The following CHST3 variants were observed in gnomAD, a reference collection of about 807,000 sequenced individuals.
CHST3 encodes carbohydrate sulfotransferase 3, also known as C6ST-1.
CHST3 carries 20 observed loss-of-function variants against 35.4 expected under a neutral mutation model. The observed-to-expected ratio is 0.57, with a 90% CI of 0.40 to 0.82. The LOEUF (loss-of-function observed/expected upper bound fraction) is 0.82. CHST3 is among the 40% of genes least tolerant of loss of function. CHST3 has a pLI of 0.00. For missense variants in CHST3, 693 were observed against 670.1 expected (o/e 1.03, Z -0.38); for synonymous variants, 334 against 295.9 (o/e 1.13, Z -1.32).
At chr10:71,979,322 GA>G (rs1456832254) in intron 1 of CHST3, among the ~76,000 whole-genome samples, 2 of 152,186 alleles carry the variant, frequency 1.3e-5, no homozygotes, top group Non-Finnish European at 2.9e-5. Context: ...AGGCTCTTGT[GA>G]GAATTGGAGG....
intron 1 of CHST3, among the ~76,000 whole-genome samples, chr10:71,994,257 A>T (rs1475349278): frequency 6.6e-6 from 1 of 150,984 alleles, no homozygotes; most frequent in South Asian, 2.1e-4. Context: ...AGAGTAAGAA[A>T]ACCCTGTCTC....
chr10:72,012,192 C>G lies in CHST3; in HGVS notation c.*3721C>G, dbSNP rs1020016495. The G allele has an allele frequency of 6.6e-6, 1 of 152,216 alleles. No individual in the cohort carries two copies. Among genetic ancestry groups the G allele is most frequent in the Admixed American group, 6.5e-5 (1 of 15,282 alleles). 9.4% of individuals were successfully genotyped at this position (152,216 alleles called of 1,614,324 possible). A position where few individuals can be genotyped will look rare whatever the true frequency, so the allele number is the denominator to read the frequency against. Reference sequence around the variant, plus strand: ...AGAACAGAGGGCACCAGGCATCACACGACATCTTTCCCTCCCATCTCTGCC... The same window carrying G: ...AGAACAGAGGGCACCAGGCATCACAGGACATCTTTCCCTCCCATCTCTGCC... On this transcript the variant is annotated 3_prime_UTR_variant, in exon 3 of 3. Transcript: ENST00000373115.
rs551938743 is a variant in CHST3, at chr10:72,007,407, C to G, written c.376C>G (p.Pro126Ala). 5.2e-5 allele frequency: 84 copies of G among 1,605,798 alleles called. No homozygotes were observed. The South Asian group carries it at 9.2e-4, about 18-fold the overall frequency. ...GAGAAAGGAGGAGGAGCCGCCCAGACCGGCCGTGGCGGGGCCCCGGCGCCA... is the reference window on the plus strand; with the variant it reads ...GAGAAAGGAGGAGGAGCCGCCCAGAGCGGCCGTGGCGGGGCCCCGGCGCCA... ...EQRKEEEPPR[P>A]AVAGPRRHVL... The change falls in exon 3 of 3, where the codon CCG becomes GCG. Residue 126 changes from proline to alanine, a missense_variant. Physicochemically the swap from Pro to Ala is conservative, Grantham distance 27. Transcript: ENST00000373115.
intron 1 of CHST3, among the ~76,000 whole-genome samples, chr10:72,005,301 C>CTGTG (rs71018245): frequency 7.1e-5 from 10 of 140,108 alleles, no homozygotes; most frequent in South Asian, 2.1e-4. Flanking sequence ...GTGTGTGTGT[C>CTGTG]TGTGTGTGTG....
chr10:72,008,089 A>C lies in CHST3; in HGVS notation c.1058A>C (p.Glu353Ala), dbSNP rs2131776149. The change falls in exon 3 of 3, where the codon GAG becomes GCG. Residue 353 changes from glutamate (E) to alanine (A), a missense_variant. Coordinates refer to ENST00000373115, the MANE Select transcript of CHST3 (RefSeq NM_004273.5). ...GNCESIRLSA[E>A]LGLRQPAWLR... Reference sequence around the variant, plus strand: ...TGCGAGAGCATCCGCCTGTCCGCGGAGCTGGGGCTGCGGCAGCCCGCCTGG... The same window carrying C: ...TGCGAGAGCATCCGCCTGTCCGCGGCGCTGGGGCTGCGGCAGCCCGCCTGG... 1.3e-5 allele frequency: 20 copies of C among 1,545,280 alleles called. No individual in the cohort carries two copies. The highest frequency in any genetic ancestry group is 1.7e-5 in the Non-Finnish European group (20 of 1,143,938).
chr10:72,004,417 T>C (rs1840019084), intron 1 of CHST3, among the ~76,000 whole-genome samples: 2 of 152,174 alleles, frequency 1.3e-5, no homozygotes, highest in Admixed American at 6.5e-5. Context: ...TAGGGAGCCC[T>C]AACATAGCCT....
chr10:71,975,019 G>A (rs1839732168), intron 1 of CHST3, among the ~76,000 whole-genome samples: 1 of 152,212 alleles, frequency 6.6e-6, no homozygotes. Context: ...CCTGTGTCGA[G>A]CTTTTAGAGT....
chr10:72,006,782 C>G (rs1042312781), intron 2 of CHST3, among the ~76,000 whole-genome samples: 2 of 152,208 alleles, frequency 1.3e-5, no homozygotes, highest in Non-Finnish European at 2.9e-5. Flanking sequence ...AAGGACCGTT[C>G]TAGCTTGTGC....
chr10:71,996,627 TA>T (rs1260266830), intron 1 of CHST3, among the ~76,000 whole-genome samples: 14 of 152,310 alleles, frequency 9.2e-5, no homozygotes, highest in Admixed American at 9.2e-4. Context: ...AGTGGAGTAT[TA>T]ATTAAGCATC....
chr10:71,966,122 G>T (rs528546803), intron 1 of CHST3, among the ~76,000 whole-genome samples: 1 of 152,244 alleles, frequency 6.6e-6, no homozygotes, highest in Non-Finnish European at 1.5e-5. Context: ...AAGAGGGGTG[G>T]GTAAGTGGAG....
In CHST3 at chr10:71,964,607, G is replaced by A. The variant is rs1418954453; in HGVS notation, c.-195G>A. The A allele has an allele frequency of 6.6e-6, 1 of 152,072 alleles. No individual in the cohort carries two copies. Among genetic ancestry groups the A allele is most frequent in the Non-Finnish European group, 1.5e-5 (1 of 67,992 alleles). 9.4% of individuals were successfully genotyped at this position (152,072 alleles called of 1,614,324 possible). On this transcript the variant is annotated 5_prime_UTR_variant, in exon 1 of 3. Transcript: ENST00000373115. ...AACCGCTTCTGCCGGGATCTTCCAGGAGGAAAGCGAAGTTGCGAGCGGATG... is the reference window on the plus strand; with the variant it reads ...AACCGCTTCTGCCGGGATCTTCCAGAAGGAAAGCGAAGTTGCGAGCGGATG...
chr10:71,995,913 T>G (rs1825827144), intron 1 of CHST3, among the ~76,000 whole-genome samples: 1 of 152,162 alleles, frequency 6.6e-6, no homozygotes, highest in Admixed American at 6.5e-5. Flanking sequence ...AGCTCATGCT[T>G]TTGGAGAAAT....
intron 1 of CHST3, among the ~76,000 whole-genome samples, chr10:71,976,160 A>G (rs1358296272): frequency 6.6e-6 from 1 of 152,100 alleles, no homozygotes; most frequent in Non-Finnish European, 1.5e-5. Context: ...GGTAGGAGAA[A>G]AGCTCTTGGA....
chr10:71,977,448 ATTTTT>A (rs10554998), intron 1 of CHST3, among the ~76,000 whole-genome samples: 4 of 128,974 alleles, frequency 3.1e-5, no homozygotes, highest in Admixed American at 7.7e-5. Context: ...CCTAAGCTCG[ATTTTT>A]TTTTTTTTTT....
At chr10:71,980,687 T>G (rs968038512) in intron 1 of CHST3, among the ~76,000 whole-genome samples, 5 of 152,216 alleles carry the variant, frequency 3.3e-5, no homozygotes, top group African/African-American at 1.2e-4. Context: ...ACTGCCAGTC[T>G]GGGGACCCCA....
At chr10:71,977,225 C>A (rs1839754591) in intron 1 of CHST3, among the ~76,000 whole-genome samples, 1 of 152,218 alleles carries the variant, frequency 6.6e-6, no homozygotes, top group Non-Finnish European at 1.5e-5. Context: ...ACCCACACAG[C>A]ATGAATGGGG....
chr10:71,997,682 ATT>A (rs35366073), intron 1 of CHST3, among the ~76,000 whole-genome samples: 8 of 135,378 alleles, frequency 5.9e-5, no homozygotes, highest in Non-Finnish European at 3.1e-5. Flanking sequence ...GTCTCCATAA[ATT>A]TTTTTTTTTT....
chr10:72,004,955 C>T (rs12261847), intron 1 of CHST3, among the ~76,000 whole-genome samples: 4,087 of 152,176 alleles, frequency 0.027, 193 homozygotes, highest in African/African-American at 0.094. Context: ...CATGGCAAGA[C>T]CCCATCTCTA....
chr10:71,986,421 C>A (rs570725312), intron 1 of CHST3, among the ~76,000 whole-genome samples: 45 of 152,364 alleles, frequency 3.0e-4, no homozygotes, highest in Middle Eastern at 3.4e-3. Flanking sequence ...TCCTCTAAAA[C>A]AGCCGCAGCA....
Sources: gnomAD v4.1 joint callset for allele counts (sites outside exome capture counted in the v4.1 genomes callset) on GRCh38, gnomAD v4.1.1 for gene constraint, MANE v1.5 for transcripts, NCBI Gene and HGNC (gene_info 2026-07-23, HGNC 2026-07-21) for gene names.